The following URB1 variants were observed in gnomAD, a reference collection of about 807,000 sequenced individuals.
The protein encoded by URB1 is URB1 ribosome biogenesis factor.
In URB1, 197 loss-of-function variants were observed where a neutral mutation model predicts 242.3. The ratio of observed to expected loss-of-function variants is 0.81; its 90% CI spans 0.72 to 0.91. The LOEUF (loss-of-function observed/expected upper bound fraction) is 0.91, where lower values mean the gene tolerates loss of function less well. Ranked by LOEUF, URB1 falls within the 40% of genes least tolerant of loss-of-function variation. The pLI is 0.00. For synonymous variants in URB1, 1,153 were observed against 1,201.8 expected (o/e 0.96, Z 0.84); for missense variants, 2,721 against 2,860.5 (o/e 0.95, Z 1.11).
intron 35 of URB1, among the ~76,000 whole-genome samples, chr21:32,320,089 G>A (rs1276231578): frequency 1.3e-5 from 2 of 152,224 alleles, no homozygotes; most frequent in African/African-American, 2.4e-5. Context: ...ACTGAGGACA[G>A]AGACCCTGCA....
chr21:32,379,142 TG>T, intron 4 of URB1, among the ~76,000 whole-genome samples: 1 of 152,368 alleles, frequency 6.6e-6, no homozygotes, highest in East Asian at 1.9e-4. Flanking sequence ...ACCAGGGCAC[TG>T]GGCACGTTTG....
At position 32,313,492 on chromosome 21, in the gene URB1, G is replaced by C. The variant is rs1411060021; in HGVS notation, c.*1426C>G. 6.6e-6 allele frequency: 1 copy of C among 152,222 alleles called. No individual in the cohort carries two copies. The highest frequency in any genetic ancestry group is 2.4e-5 in the African/African-American group (1 of 41,444). 9.4% of individuals were successfully genotyped at this position (152,222 alleles called of 1,614,324 possible). A position where few individuals can be genotyped will look rare whatever the true frequency, so the allele number is the denominator to read the frequency against. ...AGCGTTGTAAGGTTTATTTGGGTAG[G>C]GAAGGGGACAAGTGAGGTAACTGAT... On this transcript the variant is annotated 3_prime_UTR_variant, in exon 39 of 39. Coordinates refer to ENST00000382751, the MANE Select transcript of URB1 (RefSeq NM_014825.3).
In URB1 at chr21:32,347,175, C is replaced by G. The variant is rs901624414; in HGVS notation, c.3649G>C (p.Asp1217His). ...CGGGCCAGGCAGTAGTCAAGCAGATCAGCCCCGACTGCGGGGGCCAGCACA... is the reference window on the plus strand; with the variant it reads ...CGGGCCAGGCAGTAGTCAAGCAGATGAGCCCCGACTGCGGGGGCCAGCACA... ...DPVLAPAVGA[D>H]LLDYCLARRT... The change falls in exon 22 of 39, where the codon GAT becomes CAT. Residue 1217 changes from aspartate to histidine, a missense_variant. Transcript: ENST00000382751. 1.8e-5 allele frequency: 28 copies of G among 1,549,242 alleles called. No individual in the cohort carries two copies. The African/African-American group carries it at 3.1e-4, about 17-fold the overall frequency.
chr21:32,318,987 G>A (rs898885915), intron 36 of URB1, among the ~76,000 whole-genome samples: 9 of 152,118 alleles, frequency 5.9e-5, no homozygotes, highest in East Asian at 1.9e-4. Flanking sequence ...TTAAGTTCTC[G>A]GGGTCTTGAC....
intron 24 of URB1, among the ~76,000 whole-genome samples, chr21:32,344,240 C>G (rs1316687471): frequency 6.6e-6 from 1 of 152,164 alleles, no homozygotes; most frequent in African/African-American, 2.4e-5. Context: ...CCCAGGAATG[C>G]AAGGTTGGTT....
At chr21:32,340,659 T>C (rs961111377) in intron 25 of URB1, among the ~76,000 whole-genome samples, 1 of 152,204 alleles carries the variant, frequency 6.6e-6, no homozygotes, top group Non-Finnish European at 1.5e-5. Flanking sequence ...GAGAGCAGTT[T>C]GAGCATCTAG....
At chr21:32,365,651 T>C (rs1286248145) in intron 10 of URB1, among the ~76,000 whole-genome samples, 1 of 152,164 alleles carries the variant, frequency 6.6e-6, no homozygotes. Flanking sequence ...ACAAAACCTT[T>C]CTGCCTACTC....
intron 8 of URB1, among the ~76,000 whole-genome samples, chr21:32,371,696 A>G (rs1244688345): frequency 9.8e-5 from 15 of 152,364 alleles, no homozygotes; most frequent in African/African-American, 3.6e-4. Flanking sequence ...CTAGGATAGA[A>G]TAACAAGGAT....
Position 32,350,755 on chromosome 21 carries a change from C to T in URB1, c.2781G>A (p.Ala927=), listed in dbSNP as rs765028122. 27 of 1,551,390 alleles carry T rather than the reference C, an allele frequency of 1.7e-5. No homozygotes were observed. Among genetic ancestry groups the T allele is most frequent in the South Asian group, 1.7e-4 (14 of 84,048 alleles). ...GCAGGTAGAGCAACACCTGCTTGGC[C>T]GCGAGCAGGACCTGCTGCATGGACA... ...PHLSMQQVLL[A]AKQVLLYLRS... is the part of the protein sequence containing the mutation. The change falls in exon 20 of 39, where the codon GCG becomes GCA. Residue 927 remains alanine (A), a synonymous_variant. Transcript: ENST00000382751.
At chr21:32,362,461 G>C (rs1280584095) in intron 11 of URB1, among the ~76,000 whole-genome samples, 1 of 152,162 alleles carries the variant, frequency 6.6e-6, no homozygotes, top group African/African-American at 2.4e-5. Flanking sequence ...ACCCATCTCA[G>C]CCTCCCAAAG....
chr21:32,327,726 G>C (rs1000411239), intron 30 of URB1, among the ~76,000 whole-genome samples: 4 of 152,206 alleles, frequency 2.6e-5, no homozygotes, highest in African/African-American at 9.6e-5. Flanking sequence ...TAGCAGAAAA[G>C]CCAGAAGGGA....
At chr21:32,359,712 G>T in intron 14 of URB1, 84 bp downstream of exon 14, 1 of 1,234,788 alleles carries the variant, frequency 8.1e-7, no homozygotes, top group Non-Finnish European at 1.1e-6. Context: ...CAGGTTCTGA[G>T]CCAATTAGCA....
chr21:32,330,969 G>T (rs1364994470), intron 30 of URB1, among the ~76,000 whole-genome samples: 1 of 152,130 alleles, frequency 6.6e-6, no homozygotes. Flanking sequence ...TTTTTAAAAG[G>T]GATACAAAGG....
intron 5 of URB1, among the ~76,000 whole-genome samples, chr21:32,376,638 C>T (rs376603939): frequency 6.6e-6 from 1 of 151,912 alleles, no homozygotes; most frequent in Non-Finnish European, 1.5e-5. Context: ...TTAAGTGCAG[C>T]ATGTTTTTTT....
intron 20 of URB1, 42 bp downstream of exon 20, chr21:32,350,662 G>T: frequency 1.3e-6 from 2 of 1,538,218 alleles, no homozygotes; most frequent in Non-Finnish European, 1.8e-6. Context: ...GCTCTCTGGT[G>T]GCAGAGCTCT....
At position 32,319,399 on chromosome 21, in the gene URB1, C is replaced by T. The variant is rs1013949384; in HGVS notation, c.5610G>A (p.Pro1870=). The change falls in exon 36 of 39, where the codon CCG becomes CCA. Residue 1870 remains proline, a synonymous_variant. Transcript: ENST00000382751. ...HILESKFLET[P]LLSNVISLLH... ...GCAAGGAGATCACATTAGACAGCAG[C>T]GGAGTCTCCAGAAACCTAAAACCAA... 18 of 1,525,854 alleles carry T rather than the reference C, an allele frequency of 1.2e-5. No individual in the cohort carries two copies. In the Middle Eastern group the frequency reaches 5.1e-4, roughly 43 times the overall value. The allele number at this position is 1,525,854 out of a possible 1,614,324, so 94.5% of individuals were successfully genotyped here.
At position 32,343,589 on chromosome 21, in the gene URB1, T is replaced by G. The variant is rs1031949586; in HGVS notation, c.4257+981A>C. On this transcript the variant is annotated intron_variant, in intron 24 of 38. Transcript: ENST00000382751. Reference sequence around the variant, plus strand: ...TGATGAAAATCTTCTTGGATAGGAATGTGGGGTACACAGATACATGAAGTA... The same window carrying G: ...TGATGAAAATCTTCTTGGATAGGAAGGTGGGGTACACAGATACATGAAGTA... Among the ~76,000 whole-genome samples the G allele has an allele frequency of 3.3e-5, 5 of 152,300 alleles. 1 individual carries two copies.
At chr21:32,348,438 C>G (rs2123580775) in intron 21 of URB1, among the ~76,000 whole-genome samples, 1 of 152,290 alleles carries the variant, frequency 6.6e-6, no homozygotes, top group Non-Finnish European at 1.5e-5. Flanking sequence ...CCCCACAAAA[C>G]CCCCAAACTA....
intron 30 of URB1, among the ~76,000 whole-genome samples, chr21:32,326,246 T>C (rs2032828255): frequency 6.6e-6 from 1 of 152,220 alleles, no homozygotes; most frequent in Admixed American, 6.5e-5. Flanking sequence ...AAACTGATCA[T>C]GATAATTATC....
Sources: gnomAD v4.1 joint callset for allele counts (sites outside exome capture counted in the v4.1 genomes callset) on GRCh38, gnomAD v4.1.1 for gene constraint, MANE v1.5 for transcripts, NCBI Gene and HGNC (gene_info 2026-07-23, HGNC 2026-07-21) for gene names.